Variants in CD96 observed in about 807,000 individuals in gnomAD.
CD96 encodes CD96 molecule, also known as T-cell surface protein tactile.
A neutral mutation model predicts 71.3 loss-of-function variants in CD96; 70 were observed. That is an observed-to-expected ratio of 0.98 (90% CI 0.81 to 1.20). The LOEUF is 1.20. CD96 is among the 50% of genes most tolerant of loss of function. CD96 has a pLI of 0.00. For missense variants in CD96, 742 were observed against 677.5 expected (o/e 1.10, Z -1.06); for synonymous variants, 248 against 233.0 (o/e 1.06, Z -0.59).
In CD96 at chr3:111,647,770, T is replaced by A; in HGVS notation, c.1601+104T>A. The stretch of plus-strand genomic sequence containing the variant: ...CTATGAAGTTCCTCCCATATTTTAA[T>A]GGGGAAATAATGCTCACAGAAGCTC... On this transcript the variant is annotated intron_variant, in intron 13 of 13. Transcript: ENST00000352690. The A allele has an allele frequency of 3.5e-6, 3 of 861,752 alleles. No homozygotes were observed. The East Asian group carries it at 8.5e-5, about 24-fold the overall frequency. 53.4% of individuals were successfully genotyped at this position (861,752 alleles called of 1,614,324 possible). A position where few individuals can be genotyped will look rare whatever the true frequency, so the allele number is the denominator to read the frequency against.
intron 6 of CD96, among the ~76,000 whole-genome samples, chr3:111,599,938 A>G (rs964741376): frequency 6.6e-6 from 1 of 152,252 alleles, no homozygotes; most frequent in Non-Finnish European, 1.5e-5. Context: ...AAATTCTGAC[A>G]TATAGTGATA....
chr3:111,557,433 GT>G (rs1234952559), intron 2 of CD96, among the ~76,000 whole-genome samples: 1 of 72,130 alleles, frequency 1.4e-5, no homozygotes, highest in Non-Finnish European at 2.6e-5. Flanking sequence ...TGGCTAGCCA[GT>G]TTTCCCAGCA....
In CD96 at chr3:111,579,101, A is replaced by C. The variant is rs756167909; in HGVS notation, c.618A>C (p.Arg206Ser). ...LISNSTLLKD[R>S]VKLGTDYRLH... The stretch of plus-strand genomic sequence containing the variant: ...GCAATTCCACATTACTTAAAGATAG[A>C]GTCAAGCTTGGTACAGACTACAGAC... The change falls in exon 4 of 14, where the codon AGA becomes AGC. Residue 206 changes from arginine (R) to serine (S), a missense_variant. Transcript: ENST00000352690. The C allele has an allele frequency of 5.6e-6, 9 of 1,606,028 alleles. No homozygotes were observed. The highest frequency in any genetic ancestry group is 6.8e-6 in the Non-Finnish European group (8 of 1,172,534).
intron 10 of CD96, among the ~76,000 whole-genome samples, chr3:111,631,630 GAA>G (rs201819541): frequency 1.8e-4 from 25 of 142,776 alleles, no homozygotes; most frequent in African/African-American, 5.1e-4. Flanking sequence ...CACAGAACTG[GAA>G]AAAAAAAAAA....
chr3:111,556,766 T>C (rs1387109089), intron 2 of CD96, among the ~76,000 whole-genome samples: 1 of 151,864 alleles, frequency 6.6e-6, no homozygotes, highest in East Asian at 1.9e-4. Context: ...TCTAGATCCC[T>C]GAGGAATCAC....
At chr3:111,631,230 T>G (rs1323544939) in intron 10 of CD96, among the ~76,000 whole-genome samples, 2 of 152,196 alleles carry the variant, frequency 1.3e-5, no homozygotes, top group African/African-American at 4.8e-5. Context: ...GATGACATGA[T>G]TCTATATCTA....
intron 2 of CD96, among the ~76,000 whole-genome samples, chr3:111,563,149 C>T (rs1314404846): frequency 3.9e-5 from 6 of 152,340 alleles, no homozygotes; most frequent in Admixed American, 2.6e-4. Context: ...AAGCTCTGTC[C>T]TATCACCTCC....
chr3:111,578,974 T>G, intron 3 of CD96, 53 bp from the exon 4 acceptor site: 1 of 887,638 alleles, frequency 1.1e-6, no homozygotes, highest in Non-Finnish European at 1.9e-6. Flanking sequence ...AATGCCTAGT[T>G]CAGAGCTGGC....
At chr3:111,577,418 C>T in intron 3 of CD96, 1 of 931,826 alleles carries the variant, frequency 1.1e-6, no homozygotes. Context: ...TCTCCTGTCC[C>T]CACCCAATAC....
intron 10 of CD96, among the ~76,000 whole-genome samples, chr3:111,630,908 C>T (rs960199050): frequency 2.6e-5 from 4 of 152,228 alleles, no homozygotes; most frequent in African/African-American, 9.6e-5. Flanking sequence ...AGACAGAAAC[C>T]ACATGATTAT....
intron 5 of CD96, chr3:111,595,408 C>T (rs1235702811): frequency 1.3e-5 from 2 of 152,174 alleles, no homozygotes; most frequent in African/African-American, 2.4e-5. Flanking sequence ...AAGGAGGGCA[C>T]CTCCAGTTCT....
chr3:111,588,171 C>T (rs1205644795), intron 5 of CD96, among the ~76,000 whole-genome samples: 1 of 152,130 alleles, frequency 6.6e-6, no homozygotes, highest in East Asian at 1.9e-4. Flanking sequence ...AACTGAATGC[C>T]TTTAACAGCA....
chr3:111,601,060 A>C (rs1277323993), intron 7 of CD96, 146 bp downstream of exon 7: 3 of 582,170 alleles, frequency 5.2e-6, no homozygotes. Context: ...AAGTTATCAA[A>C]CATTTTTGAC....
intron 8 of CD96, among the ~76,000 whole-genome samples, chr3:111,623,281 C>T (rs1938595698): frequency 6.6e-6 from 1 of 151,848 alleles, no homozygotes; most frequent in Non-Finnish European, 1.5e-5. Context: ...GAGAATGTAA[C>T]AATTATGGAG....
At chr3:111,619,262 GTTT>G (rs11294014) in intron 8 of CD96, among the ~76,000 whole-genome samples, 2 of 152,106 alleles carry the variant, frequency 1.3e-5, no homozygotes, top group South Asian at 4.1e-4. Flanking sequence ...AAAAGGGTGG[GTTT>G]TTTTTTATTT....
rs189886684 is a variant in CD96, at chr3:111,637,325, G to A, written c.1387+64G>A. The stretch of plus-strand genomic sequence containing the variant: ...TGGTCAGCTTTATTTGGACACAGGT[G>A]TAAAAACAAGAACTGATAAGAAGCC... On this transcript the variant is annotated intron_variant, in intron 11 of 13. Coordinates refer to ENST00000352690, the MANE Select transcript of CD96 (RefSeq NM_005816.5). 5.8e-5 allele frequency: 51 copies of A among 879,078 alleles called. No homozygotes were observed. In the African/African-American group the frequency reaches 6.9e-4, roughly 12 times the overall value. The allele number at this position is 879,078 out of a possible 1,614,324, so 54.5% of individuals were successfully genotyped here. A position where few individuals can be genotyped will look rare whatever the true frequency, so the allele number is the denominator to read the frequency against.
intron 14 of CD96, among the ~76,000 whole-genome samples, chr3:111,660,974 C>A: frequency 6.6e-6 from 1 of 152,106 alleles, no homozygotes; most frequent in Admixed American, 6.5e-5. Context: ...CATTCTCACA[C>A]CTATAGAGAC....
At chr3:111,563,993 A>G (rs1306861634) in intron 2 of CD96, among the ~76,000 whole-genome samples, 2 of 152,138 alleles carry the variant, frequency 1.3e-5, no homozygotes, top group Non-Finnish European at 2.9e-5. Flanking sequence ...TGAGTATATT[A>G]ACTATGTTAC....
chr3:111,591,208 G>C (rs1345090788), intron 5 of CD96, among the ~76,000 whole-genome samples: 2 of 151,800 alleles, frequency 1.3e-5, no homozygotes, highest in African/African-American at 4.8e-5. Flanking sequence ...CCTTGTCTGT[G>C]CTAAAAATAC....
Sources: allele counts gnomAD v4.1 joint callset (sites outside exome capture counted in the v4.1 genomes callset), GRCh38; gene constraint gnomAD v4.1.1; transcripts MANE v1.5; gene names NCBI Gene and HGNC (gene_info 2026-07-23, HGNC 2026-07-21).